FMN2: variants seen among roughly 807,000 people sequenced by gnomAD.
The protein encoded by FMN2 is formin 2.
Under a neutral mutation model 142.3 loss-of-function variants are expected in FMN2, and 51 were observed. That is an observed-to-expected ratio of 0.36 (90% confidence interval 0.29 to 0.45). FMN2 has a LOEUF of 0.45. Ranked by LOEUF, FMN2 falls within the 20% of genes least tolerant of loss-of-function variation. The pLI is 1.00. For missense variants in FMN2, 1,936 were observed against 2,122.8 expected, an observed-to-expected ratio of 0.91 and a Z score of 1.73; for synonymous variants, 882 against 869.8, an observed-to-expected ratio of 1.01 and a Z score of -0.25.
chr1:240,282,836 T>C (rs1669448233), intron 7 of FMN2, among the ~76,000 whole-genome samples: 1 of 152,230 alleles, frequency 6.6e-6, no homozygotes, highest in Admixed American at 6.5e-5. Context: ...TATGCTCACG[T>C]AACTAAGCCA....
At chr1:240,377,847 A>G (rs1673096137) in intron 14 of FMN2, among the ~76,000 whole-genome samples, 1 of 152,076 alleles carries the variant, frequency 6.6e-6, no homozygotes, top group Non-Finnish European at 1.5e-5. Flanking sequence ...ACAGCTGGGG[A>G]TTAATAAATT....
intron 16 of FMN2, among the ~76,000 whole-genome samples, chr1:240,439,290 AG>A (rs1675522147): frequency 1.3e-5 from 2 of 151,490 alleles, no homozygotes; most frequent in African/African-American, 4.8e-5. Context: ...AAAGAAAGAA[AG>A]AAAGAAAGAA....
At chr1:240,329,276 T>G (rs1289946935) in intron 9 of FMN2, 63 bp from the exon 10 acceptor site, 1 of 1,598,578 alleles carries the variant, frequency 6.3e-7, no homozygotes, top group Non-Finnish European at 8.5e-7. Flanking sequence ...GTGAATGAGA[T>G]GAGGATAAAC....
At chr1:240,383,288 C>T (rs1673292475) in intron 14 of FMN2, among the ~76,000 whole-genome samples, 1 of 152,142 alleles carries the variant, frequency 6.6e-6, no homozygotes, top group Non-Finnish European at 1.5e-5. Flanking sequence ...GAAAACGCTT[C>T]TGCACAGCAG....
intron 14 of FMN2, among the ~76,000 whole-genome samples, chr1:240,365,807 A>G (rs1572235259): frequency 6.6e-6 from 1 of 152,196 alleles, no homozygotes; most frequent in South Asian, 2.1e-4. Flanking sequence ...TGTTGAACTC[A>G]TGGCTGGCAA....
intron 10 of FMN2, 107 bp downstream of exon 10, chr1:240,329,575 A>C: frequency 7.1e-7 from 1 of 1,410,840 alleles, no homozygotes; most frequent in Non-Finnish European, 9.6e-7. Context: ...TACTCACCAA[A>C]TTTGAAGGAT....
chr1:240,258,153 C>T (rs1339864152), intron 7 of FMN2, 121 bp downstream of exon 7: 2 of 677,698 alleles, frequency 3.0e-6, no homozygotes, highest in African/African-American at 3.6e-5. Flanking sequence ...TAGTATATAT[C>T]CCGTAAGTGT....
At chr1:240,449,334 C>T (rs1318211962) in intron 16 of FMN2, among the ~76,000 whole-genome samples, 2 of 152,124 alleles carry the variant, frequency 1.3e-5, no homozygotes, top group African/African-American at 4.8e-5. Context: ...GGGCCCCACT[C>T]CATGGCCTTC....
chr1:240,422,087 CTG>C (rs1480791051), intron 15 of FMN2, among the ~76,000 whole-genome samples: 1 of 152,204 alleles, frequency 6.6e-6, no homozygotes, highest in Non-Finnish European at 1.5e-5. Context: ...ACTGGGCACT[CTG>C]TTCTACAGTT....
intron 1 of FMN2, among the ~76,000 whole-genome samples, chr1:240,106,835 C>A (rs544164737): frequency 6.6e-6 from 1 of 151,764 alleles, no homozygotes; most frequent in Admixed American, 6.6e-5. Flanking sequence ...AGGCGCCCAC[C>A]ACCACGCCCA....
At chr1:240,174,697 A>G (rs1664846687) in intron 2 of FMN2, among the ~76,000 whole-genome samples, 1 of 152,104 alleles carries the variant, frequency 6.6e-6, no homozygotes, top group South Asian at 2.1e-4. Context: ...CCATCACAGT[A>G]TCCATGTTAC....
intron 6 of FMN2, among the ~76,000 whole-genome samples, chr1:240,216,045 G>A (rs1305679987): frequency 6.6e-6 from 1 of 152,098 alleles, no homozygotes; most frequent in African/African-American, 2.4e-5. Flanking sequence ...TATAAACTGT[G>A]GTTTCACCAA....
At chr1:240,114,464 C>T (rs1571939979) in intron 1 of FMN2, among the ~76,000 whole-genome samples, 1 of 152,116 alleles carries the variant, frequency 6.6e-6, no homozygotes, top group South Asian at 2.1e-4. Flanking sequence ...AGGGGCCCAC[C>T]ATGTCTGGCT....
rs775688107 is a variant in FMN2, at chr1:240,092,087, C to T, written c.-23C>T. The T allele has an allele frequency of 9.6e-5, 148 of 1,535,414 alleles. No homozygotes were observed. The East Asian group carries it at 2.7e-3, about 28-fold the overall frequency. ...GATGGCCTGAGTGCCCGCGGCGCGG[C>T]GGCGCAGCAGCGGGATTGCACCATG... is the stretch of plus-strand genomic sequence containing the variant. On this transcript the variant is annotated 5_prime_UTR_variant, in exon 1 of 18. Coordinates refer to ENST00000319653, the MANE Select transcript of FMN2 (RefSeq NM_020066.5).
At chr1:240,205,473 T>C (rs552062835) in intron 4 of FMN2, among the ~76,000 whole-genome samples, 28 of 144,374 alleles carry the variant, frequency 1.9e-4, no homozygotes, top group Admixed American at 1.5e-3. Context: ...TTTTTTTTTT[T>C]TTTTTTGAGA....
intron 7 of FMN2, among the ~76,000 whole-genome samples, chr1:240,280,383 T>C (rs1166491967): frequency 1.3e-5 from 2 of 152,166 alleles, no homozygotes; most frequent in African/African-American, 4.8e-5. Context: ...CTTATTGGTA[T>C]GAAAGTTATT....
chr1:240,203,499 T>C (rs1666209126), intron 4 of FMN2, among the ~76,000 whole-genome samples: 1 of 152,154 alleles, frequency 6.6e-6, no homozygotes, highest in Non-Finnish European at 1.5e-5. Flanking sequence ...TGCGATCATG[T>C]CCTTTGCAGC....
chr1:240,211,011 C>T (rs1256149040), intron 5 of FMN2, 80 bp from the exon 6 acceptor site: 3 of 1,369,292 alleles, frequency 2.2e-6, no homozygotes, highest in South Asian at 1.5e-5. Context: ...TCCTCCCTCC[C>T]CTTCTTCCTT....
intron 14 of FMN2, among the ~76,000 whole-genome samples, chr1:240,383,400 C>T (rs1396525328): frequency 6.6e-6 from 1 of 152,102 alleles, no homozygotes; most frequent in Non-Finnish European, 1.5e-5. Context: ...CCACAAGGAA[C>T]TCAAACAACT....
Sources: allele counts gnomAD v4.1 joint callset (sites outside exome capture counted in the v4.1 genomes callset), GRCh38; gene constraint gnomAD v4.1.1; transcripts MANE v1.5; gene names NCBI Gene and HGNC (gene_info 2026-07-23, HGNC 2026-07-21).